ZNF334: variants seen among roughly 807,000 people sequenced by gnomAD.
The protein encoded by ZNF334 is zinc finger protein 334.
A neutral mutation model predicts 12.4 loss-of-function variants in ZNF334; 14 were observed. That is an observed-to-expected ratio of 1.13 (90% confidence interval 0.74 to 1.76). The LOEUF (loss-of-function observed/expected upper bound fraction) is 1.76. Ranked by LOEUF, ZNF334 falls within the 40% of genes most tolerant of loss-of-function variation. The pLI is 0.00. For missense variants in ZNF334, 797 were observed against 804.5 expected, an observed-to-expected ratio of 0.99 and a Z score of 0.11; for synonymous variants, 273 against 269.6, an observed-to-expected ratio of 1.01 and a Z score of -0.12.
chr20:46,469,125 ATAAT>A, the ZNF334 span, among the ~76,000 whole-genome samples: 2 of 152,202 alleles, frequency 1.3e-5, no homozygotes, highest in Non-Finnish European at 1.5e-5. Flanking sequence ...TATTTGATAT[ATAAT>A]TAAAAACTGA....
chr20:46,491,360 G>GA, the ZNF334 span: 3 of 152,540 alleles, frequency 2.0e-5, no homozygotes, highest in African/African-American at 7.2e-5. Flanking sequence ...CCGTTTCTCA[G>GA]AAAAAACTCA....
At chr20:46,506,075 T>A (rs1230855987) in intron 2 of ZNF334, 1 of 336,028 alleles carries the variant, frequency 3.0e-6, no homozygotes, top group Non-Finnish European at 5.3e-6. Flanking sequence ...AAAAAGAGAA[T>A]CGAGCATAGG....
the ZNF334 span, among the ~76,000 whole-genome samples, chr20:46,479,253 CTCTTT>C: frequency 3.9e-5 from 6 of 152,032 alleles, no homozygotes; most frequent in African/African-American, 1.5e-4. Context: ...TCTTGCCTCC[CTCTTT>C]TAAGGACCCT....
chr20:46,463,049 C>T, the ZNF334 span, among the ~76,000 whole-genome samples: 7 of 152,304 alleles, frequency 4.6e-5, no homozygotes, highest in African/African-American at 1.4e-4. Context: ...GAGTTCAAGA[C>T]CAGCCTGGCC....
At chr20:46,504,066 A>G in intron 4 of ZNF334, 148 bp downstream of exon 4, 1 of 458,360 alleles carries the variant, frequency 2.2e-6, no homozygotes, top group Non-Finnish European at 3.9e-6. Flanking sequence ...TGTCCATAGC[A>G]TGACAGTTAA....
Position 46,500,335 on chromosome 20 carries a change from T to C in ZNF334, c.*961A>G, listed in dbSNP as rs2061111972. ...AAAGTGGCAATCCTACCTCATCATA[T>C]ATATCCATATAATGTAATCCTAATC... is the stretch of plus-strand genomic sequence containing the variant. On this transcript the variant is annotated 3_prime_UTR_variant, in exon 5 of 5. Coordinates refer to ENST00000692313, the MANE Select transcript of ZNF334 (RefSeq NM_001353824.2). 6.6e-6 allele frequency: 1 copy of C among 152,222 alleles called. No homozygotes were observed. Among genetic ancestry groups the C allele is most frequent in the South Asian group, 2.1e-4 (1 of 4,830 alleles). 9.4% of individuals were successfully genotyped at this position (152,222 alleles called of 1,614,324 possible). A position where few individuals can be genotyped will look rare whatever the true frequency, so the allele number is the denominator to read the frequency against.
the ZNF334 span, among the ~76,000 whole-genome samples, chr20:46,465,795 T>C: frequency 1.3e-5 from 2 of 151,684 alleles, no homozygotes; most frequent in East Asian, 1.9e-4. Flanking sequence ...TCCACTAAAA[T>C]ACAAAAGAAA....
At chr20:46,485,826 A>T in the ZNF334 span, among the ~76,000 whole-genome samples, 1 of 152,226 alleles carries the variant, frequency 6.6e-6, no homozygotes, top group Non-Finnish European at 1.5e-5. Flanking sequence ...AGAATTGTTC[A>T]CAAGAATTCC....
chr20:46,512,421 T>A (rs761486147), intron 1 of ZNF334, 119 bp downstream of exon 1: 13 of 240,836 alleles, frequency 5.4e-5, no homozygotes, highest in African/African-American at 2.7e-4. Context: ...GTCCAATTAA[T>A]AGGAGACTAG....
At chr20:46,464,224 TG>T in the ZNF334 span, 1 of 535,194 alleles carries the variant, frequency 1.9e-6, no homozygotes, top group South Asian at 1.5e-5. Flanking sequence ...CCTGCACGCC[TG>T]GCTGCTCATT....
intron 2 of ZNF334, among the ~76,000 whole-genome samples, chr20:46,509,115 T>C (rs2061548000): frequency 6.6e-6 from 1 of 152,228 alleles, no homozygotes; most frequent in African/African-American, 2.4e-5. Context: ...ACCAGACTCC[T>C]CTTCTTTTAC....
the ZNF334 span, among the ~76,000 whole-genome samples, chr20:46,471,877 T>C: frequency 2.0e-5 from 3 of 152,210 alleles, no homozygotes; most frequent in Non-Finnish European, 4.4e-5. Flanking sequence ...CTTAACTTTG[T>C]TCTTCAAGAT....
At chr20:46,486,396 A>G in the ZNF334 span, among the ~76,000 whole-genome samples, 1 of 152,228 alleles carries the variant, frequency 6.6e-6, no homozygotes, top group South Asian at 2.1e-4. Context: ...CCTGGGCAAC[A>G]GAGTGAAACT....
At chr20:46,497,891 A>C (rs184091479), downstream of ZNF334, among the ~76,000 whole-genome samples, 1 of 152,224 alleles carries the variant, frequency 6.6e-6, no homozygotes, top group Non-Finnish European at 1.5e-5. Flanking sequence ...TTTTCTTAAA[A>C]AGGCTACCTT....
Position 46,509,606 on chromosome 20 carries a change from T to G in ZNF334, c.21+2476A>C, listed in dbSNP as rs1337632626. On this transcript the variant is annotated intron_variant, in intron 2 of 4. Transcript: ENST00000692313. ...AGGATGGGGAATTCATCTGCCCACC[T>G]CCTTCTCATTTTCCATTTCCCTTCA... 4.3e-6 allele frequency: 3 copies of G among 702,880 alleles called. No homozygotes were observed. The African/African-American group carries it at 5.2e-5, about 12-fold the overall frequency. 43.5% of individuals were successfully genotyped at this position (702,880 alleles called of 1,614,324 possible). A position where few individuals can be genotyped will look rare whatever the true frequency, so the allele number is the denominator to read the frequency against.
intron 2 of ZNF334, 141 bp downstream of exon 2, chr20:46,511,939 GTA>G (rs1183243544): frequency 2.7e-6 from 2 of 743,578 alleles, no homozygotes; most frequent in East Asian, 5.6e-5. Flanking sequence ...TATGATTTCT[GTA>G]TATCTATGTC....
the ZNF334 span, among the ~76,000 whole-genome samples, chr20:46,471,869 T>C: frequency 6.6e-6 from 1 of 152,230 alleles, no homozygotes; most frequent in Admixed American, 6.5e-5. Flanking sequence ...ATAAGTCTCT[T>C]AACTTTGTTC....
chr20:46,468,718 G>A, the ZNF334 span, among the ~76,000 whole-genome samples: 3 of 152,172 alleles, frequency 2.0e-5, no homozygotes, highest in Admixed American at 6.5e-5. Flanking sequence ...CCATGGCAAC[G>A]GTAAACTGAC....
At chr20:46,463,104 A>G in the ZNF334 span, among the ~76,000 whole-genome samples, 1 of 152,238 alleles carries the variant, frequency 6.6e-6, no homozygotes, top group Non-Finnish European at 1.5e-5. Flanking sequence ...AAAATTAGCC[A>G]GGCATGGTGG....
Sources: allele counts gnomAD v4.1 joint callset (sites outside exome capture counted in the v4.1 genomes callset), GRCh38; gene constraint gnomAD v4.1.1; transcripts MANE v1.5; gene names NCBI Gene and HGNC (gene_info 2026-07-23, HGNC 2026-07-21).